The following AGTPBP1 variants were observed in gnomAD, a reference collection of about 807,000 sequenced individuals.
AGTPBP1 encodes the protein cytosolic carboxypeptidase 1.
Under a neutral mutation model 143.9 loss-of-function variants are expected in AGTPBP1, and 70 were observed. That is an observed-to-expected ratio of 0.49 (90% CI 0.40 to 0.59). AGTPBP1 has a LOEUF of 0.59. AGTPBP1 is among the 20% of genes least tolerant of loss of function. The pLI is 0.00. For missense variants in AGTPBP1, 1,229 were observed against 1,464.5 expected (o/e 0.84, Z 2.62); for synonymous variants, 463 against 500.2 (o/e 0.93, Z 0.99).
chr9:85,585,575 C>T lies in AGTPBP1; in HGVS notation c.3053G>A (p.Gly1018Asp). The change falls in exon 23 of 26, where the codon GGC (glycine) becomes GAC (aspartate). Residue 1018 changes from glycine to aspartate, a missense_variant. Around this residue, in one of 2 missense-constraint regions of AGTPBP1, gnomAD observed 486 missense variants for 652.3 expected, o/e 0.75. Transcript: ENST00000357081. ...AAATACATTCTTCTTTCGGGAATGG[C>T]CATGATAATCACAATAAACCTTGAA... ...RLPLVYCDYH[G>D]HSRKKNVFMY... The T allele has an allele frequency of 6.2e-7, 1 of 1,604,860 alleles. No homozygotes were observed.
At chr9:85,646,240 T>C in intron 12 of AGTPBP1, 81 bp downstream of exon 12, 2 of 869,890 alleles carry the variant, frequency 2.3e-6, no homozygotes, top group South Asian at 1.5e-5. Flanking sequence ...AAATTACATA[T>C]ATATTTATTT....
intron 17 of AGTPBP1, among the ~76,000 whole-genome samples, chr9:85,609,453 T>C (rs911002185): frequency 6.6e-6 from 1 of 152,112 alleles, no homozygotes; most frequent in South Asian, 2.1e-4. Flanking sequence ...AGGCTCATTT[T>C]TGTATTTTTA....
At chr9:85,788,256 T>G in the AGTPBP1 span, among the ~76,000 whole-genome samples, 1 of 151,760 alleles carries the variant, frequency 6.6e-6, no homozygotes, top group East Asian at 1.9e-4. Context: ...CAGAGACTGT[T>G]TGAAGTCAGA....
the AGTPBP1 span, among the ~76,000 whole-genome samples, chr9:85,748,132 T>C: frequency 6.6e-6 from 1 of 152,222 alleles, no homozygotes; most frequent in African/African-American, 2.4e-5. Flanking sequence ...TCTGGCTCTA[T>C]CACCCACTTC....
chr9:85,690,066 A>G (rs72746616), intron 3 of AGTPBP1, among the ~76,000 whole-genome samples: 10,839 of 151,692 alleles, frequency 0.071, 510 homozygotes, highest in Non-Finnish European at 0.11. Flanking sequence ...CCAACAGTGT[A>G]TGAGAGTACC....
intron 1 of AGTPBP1, among the ~76,000 whole-genome samples, chr9:85,736,021 A>C (rs1395950190): frequency 6.6e-6 from 1 of 152,228 alleles, no homozygotes; most frequent in Non-Finnish European, 1.5e-5. Flanking sequence ...AGCAGAGATT[A>C]AGAAGGGAAA....
At chr9:85,585,654 G>T in intron 22 of AGTPBP1, 60 bp from the exon 23 acceptor site, 1 of 1,379,214 alleles carries the variant, frequency 7.3e-7, no homozygotes. Flanking sequence ...CTAAGTAAAG[G>T]TAGTTAATAT....
At chr9:85,744,777 C>G (rs904567593), upstream of AGTPBP1, among the ~76,000 whole-genome samples, 2 of 152,330 alleles carry the variant, frequency 1.3e-5, no homozygotes, top group Middle Eastern at 3.4e-3. Flanking sequence ...GTTCCCTTAT[C>G]TGTACGAAAC....
chr9:85,683,730 T>C (rs550670632), intron 3 of AGTPBP1, among the ~76,000 whole-genome samples: 1 of 152,290 alleles, frequency 6.6e-6, no homozygotes, highest in East Asian at 1.9e-4. Flanking sequence ...TCTCAGGACC[T>C]CAAACTGCTC....
At chr9:85,789,481 G>A in the AGTPBP1 span, among the ~76,000 whole-genome samples, 1 of 151,834 alleles carries the variant, frequency 6.6e-6, no homozygotes, top group Non-Finnish European at 1.5e-5. Context: ...TAAAGCATTT[G>A]AAAGGAAAAA....
chr9:85,804,727 C>A, the AGTPBP1 span, among the ~76,000 whole-genome samples: 1 of 152,208 alleles, frequency 6.6e-6, no homozygotes, highest in Non-Finnish European at 1.5e-5. Context: ...TAGTCCACTA[C>A]GACCTGATGG....
intron 1 of AGTPBP1, among the ~76,000 whole-genome samples, chr9:85,740,267 G>C (rs1476335418): frequency 6.6e-6 from 1 of 152,190 alleles, no homozygotes; most frequent in Non-Finnish European, 1.5e-5. Flanking sequence ...GAGTGAGTCT[G>C]CAGTTGTAAT....
upstream of AGTPBP1, among the ~76,000 whole-genome samples, chr9:85,744,400 C>T (rs1273085620): frequency 6.6e-6 from 1 of 152,178 alleles, no homozygotes; most frequent in Non-Finnish European, 1.5e-5. Flanking sequence ...CATTGTGAAC[C>T]TAAGAAAATA....
At chr9:85,701,965 T>A (rs1488253453) in intron 2 of AGTPBP1, among the ~76,000 whole-genome samples, 1 of 152,250 alleles carries the variant, frequency 6.6e-6, no homozygotes, top group African/African-American at 2.4e-5. Flanking sequence ...GAACAGTCTT[T>A]GTTGTCAGAA....
At chr9:85,726,159 G>A (rs11141077) in intron 1 of AGTPBP1, among the ~76,000 whole-genome samples, 1 of 145,816 alleles carries the variant, frequency 6.9e-6, no homozygotes, top group Non-Finnish European at 1.5e-5. Flanking sequence ...GAGCCTGGAA[G>A]ATTGAGGCTA....
chr9:85,797,548 GC>G, the AGTPBP1 span, among the ~76,000 whole-genome samples: 1 of 152,040 alleles, frequency 6.6e-6, no homozygotes, highest in African/African-American at 2.4e-5. Context: ...CCCTTCTAGA[GC>G]CTTCCATCCT....
At chr9:85,610,212 A>C (rs1018208197) in intron 17 of AGTPBP1, among the ~76,000 whole-genome samples, 1 of 152,222 alleles carries the variant, frequency 6.6e-6, no homozygotes, top group Non-Finnish European at 1.5e-5. Context: ...GATGGAGAGA[A>C]AGTGAAAGAG....
chr9:85,632,301 TAACTC>T (rs1435073389), intron 14 of AGTPBP1, among the ~76,000 whole-genome samples: 13 of 152,300 alleles, frequency 8.5e-5, no homozygotes, highest in South Asian at 2.1e-4. Flanking sequence ...ATCCTATACT[TAACTC>T]AAGTTCAAAT....
intron 12 of AGTPBP1, among the ~76,000 whole-genome samples, chr9:85,645,089 T>C (rs1019078128): frequency 6.6e-6 from 1 of 152,160 alleles, no homozygotes; most frequent in Non-Finnish European, 1.5e-5. Flanking sequence ...TGAGAACCTC[T>C]CTCTTCCTCT....
Sources: gnomAD v4.1 joint callset for allele counts (sites outside exome capture counted in the v4.1 genomes callset) on GRCh38, gnomAD v4.1.1 for gene constraint, gnomAD v4.1.1 regional missense constraint, MANE v1.5 for transcripts, NCBI Gene and HGNC (gene_info 2026-07-23, HGNC 2026-07-21) for gene names.